Variants in LDLRAD4 observed in about 807,000 individuals in gnomAD.
LDLRAD4 encodes the protein low-density lipoprotein receptor class A domain-containing protein 4.
A neutral mutation model predicts 17.0 loss-of-function variants in LDLRAD4; 5 were observed. That is an observed-to-expected ratio of 0.29 (90% CI 0.15 to 0.62). LDLRAD4 has a LOEUF of 0.62. LDLRAD4 is among the 20% of genes least tolerant of loss of function. The pLI, the probability that LDLRAD4 is intolerant of heterozygous loss-of-function variation, is 0.84. For synonymous variants in LDLRAD4, 168 were observed against 171.8 expected, an observed-to-expected ratio of 0.98 and a Z score of 0.17; for missense variants, 340 against 424.7, an observed-to-expected ratio of 0.80 and a Z score of 1.75.
At chr18:13,443,441 A>G (rs1352449034) in intron 3 of LDLRAD4, among the ~76,000 whole-genome samples, 2 of 152,072 alleles carry the variant, frequency 1.3e-5, no homozygotes, top group Admixed American at 6.5e-5. Flanking sequence ...AGACGCTTCT[A>G]TTTTTTCCCT....
exon 6 of LDLRAD4, chr18:13,649,768 CTTGGTT>C: frequency 2.9e-6 from 1 of 346,916 alleles, no homozygotes; most frequent in Non-Finnish European, 5.1e-6. Context: ...GGGAAAGATA[CTTGGTT>C]TCTGTTAACT....
At chr18:13,639,065 T>G (rs758625305) in intron 4 of LDLRAD4, among the ~76,000 whole-genome samples, 1 of 152,206 alleles carries the variant, frequency 6.6e-6, no homozygotes, top group Non-Finnish European at 1.5e-5. Flanking sequence ...ATTAACAAAG[T>G]TTTGTTCCTA....
At chr18:13,442,841 C>T (rs772008465) in intron 3 of LDLRAD4, among the ~76,000 whole-genome samples, 3 of 152,192 alleles carry the variant, frequency 2.0e-5, no homozygotes, top group Non-Finnish European at 2.9e-5. Flanking sequence ...ACCCCCGAAG[C>T]CAGCGCTGCT....
rs542382793 is a variant in LDLRAD4 at position 13,642,061 on chromosome 18, C to G, written c.337-1298C>G. The G allele has an allele frequency of 5.1e-6, 5 of 985,428 alleles. No homozygotes were observed. The Admixed American group carries it at 2.5e-4, about 48-fold the overall frequency. 61.0% of individuals were successfully genotyped at this position (985,428 alleles called of 1,614,324 possible). A position where few individuals can be genotyped will look rare whatever the true frequency, so the allele number is the denominator to read the frequency against. On this transcript the variant is annotated intron_variant, in intron 4 of 5. Transcript: ENST00000359446. ...CCGCCCTCGTCTGTGCCTGCCAGGCCGGGCCCTTCCCTCCCGTCACAGGCG... is the reference window on the plus strand; with the variant it reads ...CCGCCCTCGTCTGTGCCTGCCAGGCGGGGCCCTTCCCTCCCGTCACAGGCG...
At chr18:13,431,729 C>G (rs1473214405) in intron 2 of LDLRAD4, among the ~76,000 whole-genome samples, 1 of 152,174 alleles carries the variant, frequency 6.6e-6, no homozygotes, top group Non-Finnish European at 1.5e-5. Context: ...AGGCTCTTCT[C>G]TGGTAATCTT....
chr18:13,253,795 C>T (rs62097310), intron 1 of LDLRAD4, among the ~76,000 whole-genome samples: 41,527 of 152,148 alleles, frequency 0.27, 6,612 homozygotes, highest in Admixed American at 0.41. Context: ...AGGTTGTATT[C>T]ACCCTTTGGC....
chr18:13,374,288 C>G (rs1482536549), intron 1 of LDLRAD4, among the ~76,000 whole-genome samples: 2 of 152,216 alleles, frequency 1.3e-5, no homozygotes, highest in East Asian at 3.8e-4. Flanking sequence ...CACACAGTCT[C>G]CTGTGGAGGC....
At chr18:13,371,448 T>C (rs1333512339) in intron 1 of LDLRAD4, among the ~76,000 whole-genome samples, 1 of 152,202 alleles carries the variant, frequency 6.6e-6, no homozygotes, top group African/African-American at 2.4e-5. Context: ...ACTGGTGCAC[T>C]GTCCACTAGG....
At chr18:13,284,889 C>A (rs569243123) in intron 1 of LDLRAD4, among the ~76,000 whole-genome samples, 1 of 152,250 alleles carries the variant, frequency 6.6e-6, no homozygotes, top group Non-Finnish European at 1.5e-5. Flanking sequence ...TGCATCGCAG[C>A]AGTCCCCATA....
intron 1 of LDLRAD4, among the ~76,000 whole-genome samples, chr18:13,231,214 A>G (rs1232824375): frequency 6.6e-6 from 1 of 152,174 alleles, no homozygotes; most frequent in Non-Finnish European, 1.5e-5. Context: ...TATGGGAGGA[A>G]GCGGGAGGGA....
intron 2 of LDLRAD4, among the ~76,000 whole-genome samples, chr18:13,411,111 G>T (rs776718683): frequency 6.6e-6 from 1 of 152,140 alleles, no homozygotes; most frequent in Admixed American, 6.5e-5. Context: ...ATTTAGCTGG[G>T]TGTTGTGGCA....
chr18:13,636,045 A>C (rs527402992), intron 4 of LDLRAD4, among the ~76,000 whole-genome samples: 1 of 152,066 alleles, frequency 6.6e-6, no homozygotes, highest in East Asian at 1.9e-4. Context: ...CTGCTGTCAA[A>C]ACCCTGCCCA....
intron 3 of LDLRAD4, among the ~76,000 whole-genome samples, chr18:13,482,069 T>C (rs946082959): frequency 2.0e-5 from 3 of 150,808 alleles, no homozygotes; most frequent in African/African-American, 7.3e-5. Context: ...GTGGCCGAGG[T>C]GGACAGTGGG....
intron 1 of LDLRAD4, among the ~76,000 whole-genome samples, chr18:13,317,042 A>C (rs1343116629): frequency 2.0e-5 from 3 of 152,198 alleles, no homozygotes; most frequent in Non-Finnish European, 4.4e-5. Flanking sequence ...AGATGAAGGA[A>C]TCCAGAAGGC....
rs573609302 is a variant in LDLRAD4 at position 13,615,709 on chromosome 18, C to T, written c.182-5408C>T. 3 of 152,354 alleles carry T rather than the reference C, an allele frequency of 2.0e-5. No individual in the cohort carries two copies. In the South Asian group the frequency reaches 6.2e-4, roughly 32 times the overall value. 9.4% of individuals were successfully genotyped at this position (152,354 alleles called of 1,614,324 possible). A position where few individuals can be genotyped will look rare whatever the true frequency, so the allele number is the denominator to read the frequency against. On this transcript the variant is annotated intron_variant, in intron 3 of 5. Coordinates refer to ENST00000359446, the Ensembl canonical transcript of LDLRAD4. The stretch of plus-strand genomic sequence containing the variant: ...TAAAAGAAGGTGCTAGGATGCCTTC[C>T]TGTAAGTTTTAGACTAGATGTATTA...
intron 2 of LDLRAD4, among the ~76,000 whole-genome samples, chr18:13,403,749 C>G (rs1348310989): frequency 6.6e-6 from 1 of 152,238 alleles, no homozygotes; most frequent in South Asian, 2.1e-4. Flanking sequence ...TTATAGGAGC[C>G]AGGGTGTAAA....
intron 2 of LDLRAD4, among the ~76,000 whole-genome samples, chr18:13,435,327 T>TAAATTA (rs2090580824): frequency 6.6e-6 from 1 of 152,250 alleles, no homozygotes; most frequent in South Asian, 2.1e-4. Context: ...AAGAAGCCAA[T>TAAATTA]AAATTAAAAT....
At chr18:13,218,589 G>A (rs1348737637), upstream of LDLRAD4, among the ~76,000 whole-genome samples, 2 of 152,162 alleles carry the variant, frequency 1.3e-5, no homozygotes, top group African/African-American at 4.8e-5. Context: ...TTGCGGGAAG[G>A]AGGGGGCGGG....
chr18:13,232,634 A>G (rs1430980287), intron 1 of LDLRAD4, among the ~76,000 whole-genome samples: 2 of 152,016 alleles, frequency 1.3e-5, no homozygotes, highest in Non-Finnish European at 2.9e-5. Context: ...TCCCCAGCTC[A>G]GCTATTCACT....
Sources: gnomAD v4.1 joint callset for allele counts (sites outside exome capture counted in the v4.1 genomes callset) on GRCh38, gnomAD v4.1.1 for gene constraint, MANE v1.5 for transcripts, NCBI Gene and HGNC (gene_info 2026-07-23, HGNC 2026-07-21) for gene names.